The following SLC4A7 variants were observed in gnomAD, a reference collection of about 807,000 sequenced individuals.
SLC4A7 encodes the protein sodium bicarbonate cotransporter 3.
SLC4A7 carries 51 observed loss-of-function variants against 137.6 expected under a neutral mutation model. The ratio of observed to expected loss-of-function variants is 0.37; its 90% CI spans 0.30 to 0.47. SLC4A7 has a LOEUF of 0.47. Among genes scored for constraint, SLC4A7 ranks in the 20% least tolerant of loss-of-function variants. The pLI is 1.00. For missense variants in SLC4A7, 1,247 were observed against 1,525.4 expected, an observed-to-expected ratio of 0.82 and a Z score of 3.04; for synonymous variants, 542 against 518.6, an observed-to-expected ratio of 1.05 and a Z score of -0.61.
chr3:27,473,985 C>T (rs2059362530), intron 1 of SLC4A7, among the ~76,000 whole-genome samples: 1 of 151,928 alleles, frequency 6.6e-6, no homozygotes, highest in Admixed American at 6.6e-5. Flanking sequence ...AATATGAACC[C>T]TTTATAAAGT....
chr3:27,446,648 CAGA>C (rs1468709410), intron 3 of SLC4A7, among the ~76,000 whole-genome samples: 1 of 152,026 alleles, frequency 6.6e-6, no homozygotes, highest in Non-Finnish European at 1.5e-5. Context: ...CATTTACTCA[CAGA>C]AGAACCTAGG....
At chr3:27,390,778 G>C (rs1402481087) in intron 21 of SLC4A7, among the ~76,000 whole-genome samples, 2 of 152,128 alleles carry the variant, frequency 1.3e-5, no homozygotes, top group African/African-American at 4.8e-5. Context: ...AGAAGAGGTG[G>C]TCATGTAGCG....
rs2049784282 is a variant in SLC4A7 at position 27,374,702 on chromosome 3, A to G, written c.*2062T>C. On this transcript the variant is annotated 3_prime_UTR_variant, in exon 26 of 26. Transcript: ENST00000454389. ...TAATTACTATACACAATTAAATAAA[A>G]TCACAGAAACACTATGATCCCAGGT... is the stretch of plus-strand genomic sequence containing the variant. The G allele has an allele frequency of 6.6e-6, 1 of 152,502 alleles. No individual in the cohort carries two copies. The highest frequency in any genetic ancestry group is 1.5e-5 in the Non-Finnish European group (1 of 67,898). The allele number at this position is 152,502 out of a possible 1,614,324, so 9.4% of individuals were successfully genotyped here.
At chr3:27,396,710 G>A (rs896245367) in intron 18 of SLC4A7, among the ~76,000 whole-genome samples, 1 of 152,014 alleles carries the variant, frequency 6.6e-6, no homozygotes, top group South Asian at 2.1e-4. Context: ...TAAACCAGCT[G>A]CTTCTGAAAG....
At chr3:27,463,817 T>A (rs937982651) in intron 1 of SLC4A7, among the ~76,000 whole-genome samples, 3 of 152,192 alleles carry the variant, frequency 2.0e-5, no homozygotes, top group Non-Finnish European at 4.4e-5. Flanking sequence ...GGACTCCATC[T>A]CACTTTGCTG....
intron 3 of SLC4A7, among the ~76,000 whole-genome samples, chr3:27,438,962 A>G (rs2056976817): frequency 6.6e-6 from 1 of 152,234 alleles, no homozygotes; most frequent in Admixed American, 6.5e-5. Context: ...CTTGTGTAGT[A>G]TAGGAACCCG....
chr3:27,441,131 G>A (rs2057161305), intron 3 of SLC4A7, among the ~76,000 whole-genome samples: 1 of 152,132 alleles, frequency 6.6e-6, no homozygotes, highest in African/African-American at 2.4e-5. Context: ...AGGTTCGAGG[G>A]TTTAGGAGAT....
chr3:27,390,124 CAA>C lies in SLC4A7; in HGVS notation c.3187-22_3187-21del, dbSNP rs2051381645. 6.9e-7 allele frequency: 1 copy of C among 1,447,772 alleles called. No homozygotes were observed. 89.7% of individuals were successfully genotyped at this position (1,447,772 alleles called of 1,614,324 possible). A position where few individuals can be genotyped will look rare whatever the true frequency, so the allele number is the denominator to read the frequency against. ...AAATAACTACATATAGAATAAAAAA[CAA>C]AGAAGTTTTCAATAAAATATTTCTG... is the stretch of plus-strand genomic sequence containing the variant. On this transcript the variant is annotated intron_variant, in intron 21 of 25. Transcript: ENST00000454389.
chr3:27,397,358 C>T (rs938965758), intron 18 of SLC4A7, among the ~76,000 whole-genome samples: 1 of 151,978 alleles, frequency 6.6e-6, no homozygotes, highest in Non-Finnish European at 1.5e-5. Flanking sequence ...TTTCCTTCTC[C>T]CTGGAAGGTA....
intron 1 of SLC4A7, among the ~76,000 whole-genome samples, chr3:27,455,040 G>A (rs1576576344): frequency 6.7e-6 from 1 of 150,176 alleles, no homozygotes; most frequent in Admixed American, 6.7e-5. Flanking sequence ...ATCCTCTCAT[G>A]GTCTACACAG....
At chr3:27,435,392 T>C (rs1014241032) in intron 5 of SLC4A7, among the ~76,000 whole-genome samples, 7 of 152,200 alleles carry the variant, frequency 4.6e-5, no homozygotes, top group Non-Finnish European at 1.0e-4. Flanking sequence ...AGACTGTTCC[T>C]AGCCAATAAC....
chr3:27,438,936 G>A (rs546533369), intron 3 of SLC4A7, among the ~76,000 whole-genome samples: 27 of 152,302 alleles, frequency 1.8e-4, no homozygotes, highest in Admixed American at 5.9e-4. Context: ...CACTCATGGC[G>A]TCTGAAATTA....
In SLC4A7 at chr3:27,484,074, G is replaced by T; in HGVS notation, c.53C>A (p.Thr18Lys). The change falls in exon 1 of 26, where the codon ACG (threonine) becomes AAG (lysine). Residue 18 changes from threonine (T) to lysine (K), a missense_variant. By Grantham distance (78) the Thr-to-Lys change is moderately conservative. Coordinates refer to ENST00000454389, the MANE Select transcript of SLC4A7 (RefSeq NM_001321103.2). ...EQMRPLLTRV[T>K]SRGPDEEAVV... The stretch of plus-strand genomic sequence containing the variant: ...CCGCCGCGGCGCCCTCACCCTGCTC[G>T]TTACCCGGGTGAGTAGCGGTCTCAT... The T allele has an allele frequency of 7.1e-6, 10 of 1,408,340 alleles. No homozygotes were observed. Among genetic ancestry groups the T allele is most frequent in the Non-Finnish European group, 9.3e-6 (10 of 1,077,076 alleles). 87.2% of individuals were successfully genotyped at this position (1,408,340 alleles called of 1,614,324 possible).
intron 11 of SLC4A7, among the ~76,000 whole-genome samples, chr3:27,413,365 C>G (rs1006612128): frequency 5.9e-5 from 9 of 152,096 alleles, no homozygotes; most frequent in Admixed American, 2.0e-4. Context: ...TCAAATTATT[C>G]CACACCATTT....
chr3:27,466,176 G>A (rs1413418951), intron 1 of SLC4A7, among the ~76,000 whole-genome samples: 2 of 151,420 alleles, frequency 1.3e-5, no homozygotes, highest in Admixed American at 6.6e-5. Flanking sequence ...CATTGGCTGG[G>A]CGCGGTGGCT....
At chr3:27,459,340 A>G (rs1402908455) in intron 1 of SLC4A7, among the ~76,000 whole-genome samples, 1 of 152,236 alleles carries the variant, frequency 6.6e-6, no homozygotes, top group Non-Finnish European at 1.5e-5. Flanking sequence ...CAATATTCCA[A>G]TAAAATTTTA....
chr3:27,454,460 C>T (rs2150573019), intron 1 of SLC4A7, among the ~76,000 whole-genome samples: 2 of 152,196 alleles, frequency 1.3e-5, no homozygotes, highest in South Asian at 4.1e-4. Flanking sequence ...AGCGAGACTC[C>T]GTCTCAAGAA....
chr3:27,454,062 G>A (rs2058256167), intron 1 of SLC4A7, among the ~76,000 whole-genome samples: 1 of 152,162 alleles, frequency 6.6e-6, no homozygotes, highest in African/African-American at 2.4e-5. Context: ...TGAAATCCCA[G>A]TACTTTGGGA....
chr3:27,411,667 C>T lies in SLC4A7; in HGVS notation c.1741G>A (p.Gly581Arg). Reference sequence around the variant, plus strand: ...CGTCCAGTCCTCTGTAGCTCAGGCCCAGCATGATGAGCGGCCTCTTTAGGA... The same window carrying T: ...CGTCCAGTCCTCTGTAGCTCAGGCCTAGCATGATGAGCGGCCTCTTTAGGA... ...ETPKEAAHHA[G>R]PELQRTGRLF... is the part of the protein sequence containing the mutation. The change falls in exon 12 of 26, where the codon GGG becomes AGG. Residue 581 changes from glycine to arginine, a missense_variant. Physicochemically the swap from Gly to Arg is moderately radical, Grantham distance 125 (BLOSUM62 -2). This residue lies in a region of SLC4A7 where 499 missense variants were observed against 664.2 expected (regional missense o/e 0.75). Coordinates refer to ENST00000454389, the MANE Select transcript of SLC4A7 (RefSeq NM_001321103.2). The T allele has an allele frequency of 6.4e-7, 1 of 1,561,382 alleles. No homozygotes were observed. Among genetic ancestry groups the T allele is most frequent in the Non-Finnish European group, 8.7e-7 (1 of 1,150,024 alleles).
Sources: allele counts gnomAD v4.1 joint callset (sites outside exome capture counted in the v4.1 genomes callset), GRCh38; gene constraint gnomAD v4.1.1; regional missense constraint gnomAD v4.1.1; transcripts MANE v1.5; gene names NCBI Gene and HGNC (gene_info 2026-07-23, HGNC 2026-07-21).